Variants in PGCKA1 observed in about 807,000 individuals in gnomAD.
PGCKA1 encodes the protein PDCD10 and GCKIII kinases associated 1.
chr4:37,553,148 T>G, the PGCKA1 span, among the ~76,000 whole-genome samples: 199 of 151,002 alleles, frequency 1.3e-3, 9 homozygotes, highest in Middle Eastern at 0.014. Context: ...CTTCCCCATG[T>G]ACAAGCAATA....
chr4:37,566,898 A>G, the PGCKA1 span, among the ~76,000 whole-genome samples: 4 of 152,092 alleles, frequency 2.6e-5, no homozygotes, highest in African/African-American at 9.7e-5. Flanking sequence ...CCTTTCTTGT[A>G]CCAAGTCCTT....
At chr4:37,486,080 A>C in the PGCKA1 span, among the ~76,000 whole-genome samples, 1 of 152,198 alleles carries the variant, frequency 6.6e-6, no homozygotes, top group African/African-American at 2.4e-5. Flanking sequence ...ATTTTTTCCT[A>C]GTAGATATTT....
At chr4:37,565,266 T>C in the PGCKA1 span, among the ~76,000 whole-genome samples, 1 of 152,194 alleles carries the variant, frequency 6.6e-6, no homozygotes. Flanking sequence ...GAGTTAATTT[T>C]ATATAACAAA....
chr4:37,566,027 A>T, the PGCKA1 span, among the ~76,000 whole-genome samples: 1 of 152,278 alleles, frequency 6.6e-6, no homozygotes, highest in South Asian at 2.1e-4. Flanking sequence ...TGGGACTCGG[A>T]CTGGCTCTCC....
the PGCKA1 span, among the ~76,000 whole-genome samples, chr4:37,465,244 T>C: frequency 6.6e-6 from 1 of 152,164 alleles, no homozygotes; most frequent in Non-Finnish European, 1.5e-5. Context: ...CTTTTTTTTT[T>C]TCTATCAATG....
At chr4:37,536,935 T>C in the PGCKA1 span, among the ~76,000 whole-genome samples, 4 of 152,342 alleles carry the variant, frequency 2.6e-5, no homozygotes, top group East Asian at 7.7e-4. Flanking sequence ...GTAATACATG[T>C]AGTCTTAGTC....
chr4:37,591,014 C>G, the PGCKA1 span: 1 of 1,586,892 alleles, frequency 6.3e-7, no homozygotes, highest in Non-Finnish European at 8.6e-7. Flanking sequence ...AGGGGATTTG[C>G]ACAGGGAGGT....
At chr4:37,543,066 A>G in the PGCKA1 span, among the ~76,000 whole-genome samples, 4 of 152,300 alleles carry the variant, frequency 2.6e-5, no homozygotes, top group South Asian at 8.3e-4. Context: ...CTGGTCCCCA[A>G]ATCTCCAGGT....
the PGCKA1 span, among the ~76,000 whole-genome samples, chr4:37,584,805 C>T: frequency 0.63 from 96,303 of 151,764 alleles, 31,731 homozygotes; most frequent in East Asian, 0.98. Flanking sequence ...CCTTCTTGCC[C>T]TCCTTCGCCT....
the PGCKA1 span, among the ~76,000 whole-genome samples, chr4:37,571,617 A>G: frequency 6.6e-6 from 1 of 151,898 alleles, no homozygotes. Context: ...AGCTCACTGC[A>G]AGCTCCACCT....
the PGCKA1 span, among the ~76,000 whole-genome samples, chr4:37,574,835 C>T: frequency 1.3e-5 from 2 of 151,846 alleles, no homozygotes; most frequent in African/African-American, 2.4e-5. Context: ...TAATTTTTGG[C>T]TCCCACAGAT....
chr4:37,556,407 A>T, the PGCKA1 span, among the ~76,000 whole-genome samples: 1 of 151,866 alleles, frequency 6.6e-6, no homozygotes, highest in African/African-American at 2.4e-5. Context: ...AGCTGGGATT[A>T]CAGGCACCTG....
the PGCKA1 span, chr4:37,588,685 G>T: frequency 1.8e-6 from 1 of 570,088 alleles, no homozygotes; most frequent in Non-Finnish European, 3.1e-6. Flanking sequence ...GGGTATTCCT[G>T]GTAACCAGCA....
chr4:37,508,930 C>T, the PGCKA1 span, among the ~76,000 whole-genome samples: 61 of 149,642 alleles, frequency 4.1e-4, no homozygotes, highest in Non-Finnish European at 8.1e-4. Context: ...GCACATCTTG[C>T]ACCGCCCTTA....
chr4:37,524,740 A>G, the PGCKA1 span, among the ~76,000 whole-genome samples: 4 of 152,364 alleles, frequency 2.6e-5, no homozygotes, highest in Admixed American at 2.6e-4. Flanking sequence ...TGTACTGCTT[A>G]GTAAAGACAG....
chr4:37,491,488 T>C, the PGCKA1 span, among the ~76,000 whole-genome samples: 368 of 152,332 alleles, frequency 2.4e-3, 10 homozygotes, highest in Admixed American at 0.019. Context: ...TATCTGTTTT[T>C]CTTGTGCATT....
the PGCKA1 span, among the ~76,000 whole-genome samples, chr4:37,456,675 C>G: frequency 6.6e-6 from 1 of 152,144 alleles, no homozygotes; most frequent in Non-Finnish European, 1.5e-5. Flanking sequence ...CCAGAGACAC[C>G]AGAGAGTCGA....
At chr4:37,463,473 A>G in the PGCKA1 span, among the ~76,000 whole-genome samples, 1 of 152,250 alleles carries the variant, frequency 6.6e-6, no homozygotes, top group African/African-American at 2.4e-5. Context: ...AAGGAAGCCA[A>G]GTGTTCTAGG....
At chr4:37,473,514 A>G in the PGCKA1 span, among the ~76,000 whole-genome samples, 1 of 152,234 alleles carries the variant, frequency 6.6e-6, no homozygotes, top group Non-Finnish European at 1.5e-5. Context: ...GAAGATTGAC[A>G]GAGTTTAGAG....
Sources: gnomAD v4.1 joint callset for allele counts (sites outside exome capture counted in the v4.1 genomes callset) on GRCh38, gnomAD v4.1.1 for gene constraint, MANE v1.5 for transcripts, NCBI Gene and HGNC (gene_info 2026-07-23, HGNC 2026-07-21) for gene names.